PROSER2: variants seen among roughly 807,000 people sequenced by gnomAD.
PROSER2 encodes proline and serine-rich protein 2.
In PROSER2, 18 loss-of-function variants were observed where a neutral mutation model predicts 14.6. That is an observed-to-expected ratio of 1.23 (90% CI 0.85 to 1.83). PROSER2 has a LOEUF of 1.83. PROSER2 is among the 40% of genes most tolerant of loss of function. The pLI is 0.00. For missense variants in PROSER2, 823 were observed against 629.8 expected, an observed-to-expected ratio of 1.31 and a Z score of -3.28; for synonymous variants, 367 against 286.4, an observed-to-expected ratio of 1.28 and a Z score of -2.84.
rs1436120615 is a variant in PROSER2 at position 11,838,674 on chromosome 10, G to A, written c.-81-13323G>A. On this transcript the variant is annotated intron_variant, in intron 1 of 3. Coordinates refer to ENST00000277570, the MANE Select transcript of PROSER2 (RefSeq NM_153256.4). The surrounding 1 kb of genome is among the most constrained non-coding windows in gnomAD (Gnocchi z 4.4). The stretch of plus-strand genomic sequence containing the variant: ...TTCTTGCTGACACTTGTTATTTTTT[G>A]TCTAATTTTTGCCACTCCAGTAGGT... 3.3e-5 allele frequency among the ~76,000 whole-genome samples: 5 copies of A among 152,126 alleles called. No homozygotes were observed. Among genetic ancestry groups the A allele is most frequent in the Non-Finnish European group, 7.4e-5 (5 of 68,008 alleles).
intron 2 of PROSER2, chr10:11,863,098 T>A (rs1435059954): frequency 1.3e-5 from 2 of 152,248 alleles, no homozygotes; most frequent in Non-Finnish European, 2.9e-5. Context: ...AACCCGTGCC[T>A]AGGTATCTCT....
At chr10:11,839,154 G>C (rs1402219492) in intron 1 of PROSER2, among the ~76,000 whole-genome samples, 1 of 152,174 alleles carries the variant, frequency 6.6e-6, no homozygotes, top group African/African-American at 2.4e-5. Flanking sequence ...CTTGGCACTT[G>C]AGCTGTCGGA....
intron 2 of PROSER2, among the ~76,000 whole-genome samples, chr10:11,854,672 C>G (rs1834089269): frequency 1.3e-5 from 2 of 151,706 alleles, no homozygotes; most frequent in Non-Finnish European, 2.9e-5. Context: ...ATTCCCCTGC[C>G]TCACCCTCCC....
At position 11,852,213 on chromosome 10, in the gene PROSER2, T is replaced by C. The variant is rs767517223; in HGVS notation, c.136T>C (p.Leu46=). ...CAGCTCTCGCTCCAGAAGCTTCACTTTGGTGAGTGACAGTTTTTCTTTCAT... is the reference window on the plus strand; with the variant it reads ...CAGCTCTCGCTCCAGAAGCTTCACTCTGGTGAGTGACAGTTTTTCTTTCAT... ...SSSSRSRSFT[L]DDESLKYLTH... is the part of the protein sequence containing the mutation. The change falls in exon 2 of 4, where the codon TTG becomes CTG. Residue 46 remains leucine (L), a splice_region_variant and synonymous_variant. Coordinates refer to ENST00000277570, the MANE Select transcript of PROSER2 (RefSeq NM_153256.4). 2 of 1,601,566 alleles carry C rather than the reference T, an allele frequency of 1.2e-6. No individual in the cohort carries two copies. Among genetic ancestry groups the C allele is most frequent in the Admixed American group, 1.7e-5 (1 of 58,594 alleles).
chr10:11,836,337 C>T lies in PROSER2; in HGVS notation c.-82+12867C>T, dbSNP rs1564302699. 6.6e-6 allele frequency among the ~76,000 whole-genome samples: 1 copy of T among 152,038 alleles called. No individual in the cohort carries two copies. The highest frequency in any genetic ancestry group is 1.5e-5 in the Non-Finnish European group (1 of 68,014). On this transcript the variant is annotated intron_variant, in intron 1 of 3. Transcript: ENST00000277570. The surrounding 1 kb of genome is among the most constrained non-coding windows in gnomAD (Gnocchi z 4.6). The stretch of plus-strand genomic sequence containing the variant: ...TCAGCTTCCCAAGTAGTTGGGATTA[C>T]GGGCGCATACCACCACACCCGGCTA...
At chr10:11,833,008 A>G (rs1191454915) in intron 1 of PROSER2, among the ~76,000 whole-genome samples, 1 of 151,150 alleles carries the variant, frequency 6.6e-6, no homozygotes, top group Non-Finnish European at 1.5e-5. Context: ...ATGCCCGGCT[A>G]ATTTTTGTAT....
chr10:11,828,625 C>G (rs1028999277), intron 1 of PROSER2, among the ~76,000 whole-genome samples: 1 of 152,150 alleles, frequency 6.6e-6, no homozygotes, highest in Non-Finnish European at 1.5e-5. Context: ...ATCGCTTGAA[C>G]TCAGGAGGCG....
intron 1 of PROSER2, among the ~76,000 whole-genome samples, chr10:11,829,402 T>C (rs779380621): frequency 6.0e-5 from 9 of 150,968 alleles, no homozygotes; most frequent in African/African-American, 1.2e-4. Context: ...CTGGGAAACA[T>C]AGGGAGACCC....
chr10:11,837,110 A>C lies in PROSER2; in HGVS notation c.-82+13640A>C, dbSNP rs1833772470. Among the ~76,000 whole-genome samples, 1 of 152,118 alleles carries C rather than the reference A, an allele frequency of 6.6e-6. No homozygotes were observed. The highest frequency in any genetic ancestry group is 2.4e-5 in the African/African-American group (1 of 41,410). The stretch of plus-strand genomic sequence containing the variant: ...CACTTTTATTTAATAATGGCCCTGA[A>C]GCAGAAGAGGCATGATGCTGGCTGG... On this transcript the variant is annotated intron_variant, in intron 1 of 3. Transcript: ENST00000277570. This position sits in a 1 kb window ranked among gnomAD's most constrained non-coding sequence, Gnocchi z 4.6.
intron 2 of PROSER2, among the ~76,000 whole-genome samples, chr10:11,855,407 G>A (rs1834105865): frequency 1.3e-5 from 2 of 149,836 alleles, no homozygotes; most frequent in South Asian, 4.2e-4. Flanking sequence ...CCGGGAGGCG[G>A]AGCTTGCAGT....
Position 11,862,739 on chromosome 10 carries a change from T to G in PROSER2, c.139-3792T>G, listed in dbSNP as rs1340351513. 2 of 152,200 alleles carry G rather than the reference T, an allele frequency of 1.3e-5. No individual in the cohort carries two copies. The highest frequency in any genetic ancestry group is 1.3e-4 in the Admixed American group (2 of 15,266). The allele number at this position is 152,200 out of a possible 1,614,324, so 9.4% of individuals were successfully genotyped here. On this transcript the variant is annotated intron_variant, in intron 2 of 3. Coordinates refer to ENST00000277570, the MANE Select transcript of PROSER2 (RefSeq NM_153256.4). This position sits in a 1 kb window ranked among gnomAD's most constrained non-coding sequence, Gnocchi z 4.2. The stretch of plus-strand genomic sequence containing the variant: ...TATACAAAACATCAATATTTCATTA[T>G]GTATATGCAAATATTTCAAAATGTG...
At position 11,838,077 on chromosome 10, in the gene PROSER2, C is replaced by CT. The variant is rs1213432338; in HGVS notation, c.-81-13917dup. The stretch of plus-strand genomic sequence containing the variant: ...GCTGAAATGACCTGATAAATCATTT[C>CT]TTTAACCTCCAGGAAACCTTTCCTT... On this transcript the variant is annotated intron_variant, in intron 1 of 3. Coordinates refer to ENST00000277570, the MANE Select transcript of PROSER2 (RefSeq NM_153256.4). This position sits in a 1 kb window ranked among gnomAD's most constrained non-coding sequence, Gnocchi z 4.4. Among the ~76,000 whole-genome samples, 1 of 152,080 alleles carries CT rather than the reference C, an allele frequency of 6.6e-6. No individual in the cohort carries two copies. Among genetic ancestry groups the CT allele is most frequent in the African/African-American group, 2.4e-5 (1 of 41,402 alleles).
rs891543085 is a variant in PROSER2 at position 11,838,042 on chromosome 10, G to T, written c.-81-13955G>T. Among the ~76,000 whole-genome samples, 4 of 151,840 alleles carry T rather than the reference G, an allele frequency of 2.6e-5. No homozygotes were observed. Among genetic ancestry groups the T allele is most frequent in the African/African-American group, 9.7e-5 (4 of 41,338 alleles). The stretch of plus-strand genomic sequence containing the variant: ...TCCTGACATACTGGGTCTTTCAAAG[G>T]CTCCAAGGTGCTGAAATGACCTGAT... On this transcript the variant is annotated intron_variant, in intron 1 of 3. Coordinates refer to ENST00000277570, the MANE Select transcript of PROSER2 (RefSeq NM_153256.4). The surrounding 1 kb of genome is among the most constrained non-coding windows in gnomAD (Gnocchi z 4.4).
intron 3 of PROSER2, among the ~76,000 whole-genome samples, chr10:11,867,633 AAG>A (rs1366051891): frequency 6.6e-6 from 1 of 152,210 alleles, no homozygotes; most frequent in Admixed American, 6.5e-5. Context: ...CAAAAAAAGA[AAG>A]AGAATCTCAT....
At chr10:11,833,235 C>CTTTTTTTTT (rs5783233) in intron 1 of PROSER2, among the ~76,000 whole-genome samples, 7 of 87,664 alleles carry the variant, frequency 8.0e-5, no homozygotes, top group East Asian at 5.2e-4. Flanking sequence ...AATGTTGTGG[C>CTTTTTTTTT]TTTTTTTTTT....
At chr10:11,831,877 C>A (rs1197924681) in intron 1 of PROSER2, 1 of 152,172 alleles carries the variant, frequency 6.6e-6, no homozygotes, top group African/African-American at 2.4e-5. Context: ...TCAATTACTT[C>A]CATGTGATGT....
In PROSER2 at chr10:11,825,515, C is replaced by T. The variant is rs574442965; in HGVS notation, c.-82+2045C>T. Among the ~76,000 whole-genome samples, 6 of 152,290 alleles carry T rather than the reference C, an allele frequency of 3.9e-5. No individual in the cohort carries two copies. The South Asian group carries it at 1.2e-3, about 32-fold the overall frequency. Reference sequence around the variant, plus strand: ...GTCCCCGCTCCACTCTGAGGGGTCTCCTGGCCACCATAGGAAAGCCTGTGT... The same window carrying T: ...GTCCCCGCTCCACTCTGAGGGGTCTTCTGGCCACCATAGGAAAGCCTGTGT... On this transcript the variant is annotated intron_variant, in intron 1 of 3. Coordinates refer to ENST00000277570, the MANE Select transcript of PROSER2 (RefSeq NM_153256.4).
At chr10:11,835,379 C>T (rs550257187) in intron 1 of PROSER2, among the ~76,000 whole-genome samples, 83 of 151,982 alleles carry the variant, frequency 5.5e-4, no homozygotes, top group Non-Finnish European at 1.0e-3. Flanking sequence ...TCAGAGCTCT[C>T]GGGTGTGTCA....
intron 1 of PROSER2, among the ~76,000 whole-genome samples, chr10:11,828,043 A>G (rs1325400845): frequency 6.6e-6 from 1 of 152,218 alleles, no homozygotes; most frequent in South Asian, 2.1e-4. Context: ...TAATGGGCAT[A>G]TCAGGATAAA....
Sources: allele counts gnomAD v4.1 joint callset (sites outside exome capture counted in the v4.1 genomes callset), GRCh38; gene constraint gnomAD v4.1.1; non-coding constraint Gnocchi (gnomAD v3.1); transcripts MANE v1.5; gene names NCBI Gene and HGNC (gene_info 2026-07-23, HGNC 2026-07-21).